The following PRELID2 variants were observed in gnomAD, a reference collection of about 807,000 sequenced individuals.
The protein encoded by PRELID2 is PRELI domain-containing protein 2.
PRELID2 carries 25 observed loss-of-function variants against 28.4 expected under a neutral mutation model. That is an observed-to-expected ratio of 0.88 (90% CI 0.64 to 1.23). The LOEUF is 1.23. Among genes scored for constraint, PRELID2 ranks in the 50% most tolerant of loss-of-function variants. PRELID2 has a pLI of 0.00. For synonymous variants in PRELID2, 76 were observed against 71.6 expected, an observed-to-expected ratio of 1.06 and a Z score of -0.31; for missense variants, 201 against 214.4, an observed-to-expected ratio of 0.94 and a Z score of 0.39.
At chr5:145,562,207 T>C (rs1453050702) in intron 1 of PRELID2, among the ~76,000 whole-genome samples, 1 of 152,240 alleles carries the variant, frequency 6.6e-6, no homozygotes, top group Non-Finnish European at 1.5e-5. Flanking sequence ...ATACTTCACG[T>C]AAAAGCAAGA....
intron 1 of PRELID2, among the ~76,000 whole-genome samples, chr5:145,557,060 C>T (rs768964913): frequency 6.6e-6 from 1 of 152,174 alleles, no homozygotes; most frequent in Non-Finnish European, 1.5e-5. Flanking sequence ...CTAATAATTA[C>T]CCATTAGGCT....
intron 1 of PRELID2, among the ~76,000 whole-genome samples, chr5:145,502,137 G>A (rs1752364736): frequency 6.6e-6 from 1 of 152,068 alleles, no homozygotes; most frequent in Non-Finnish European, 1.5e-5. Context: ...TCTACAGGAA[G>A]CATAATGGCA....
chr5:145,668,513 A>G (rs1754642166), intron 1 of PRELID2, among the ~76,000 whole-genome samples: 1 of 152,080 alleles, frequency 6.6e-6, no homozygotes, highest in Admixed American at 6.6e-5. Context: ...CTGTAGACAC[A>G]TAGCCATATG....
chr5:145,690,297 G>A (rs955782860), intron 1 of PRELID2, among the ~76,000 whole-genome samples: 11 of 152,076 alleles, frequency 7.2e-5, no homozygotes, highest in African/African-American at 2.7e-4. Flanking sequence ...CTGGCGAGGG[G>A]ATCCTCTTCC....
At chr5:145,505,127 A>G (rs1370977986) in intron 1 of PRELID2, among the ~76,000 whole-genome samples, 1 of 150,646 alleles carries the variant, frequency 6.6e-6, no homozygotes, top group East Asian at 1.9e-4. Flanking sequence ...CACTAGCTCT[A>G]TACATACTGT....
chr5:145,262,431 T>G, the PRELID2 span, among the ~76,000 whole-genome samples: 2 of 152,112 alleles, frequency 1.3e-5, no homozygotes, highest in Non-Finnish European at 2.9e-5. Flanking sequence ...TTAAGAGCTG[T>G]GAAGCAAAAG....
the PRELID2 span, among the ~76,000 whole-genome samples, chr5:145,426,588 A>G: frequency 6.6e-6 from 1 of 152,194 alleles, no homozygotes; most frequent in Non-Finnish European, 1.5e-5. Context: ...TACATTGCCT[A>G]TATGTCAGGC....
At chr5:145,470,962 A>C (rs1752048353), downstream of PRELID2, among the ~76,000 whole-genome samples, 1 of 151,982 alleles carries the variant, frequency 6.6e-6, no homozygotes, top group Non-Finnish European at 1.5e-5. Context: ...CTTGACAGTC[A>C]CCCTCACCTA....
At chr5:145,807,282 T>C (rs1301606268) in intron 4 of PRELID2, among the ~76,000 whole-genome samples, 1 of 152,214 alleles carries the variant, frequency 6.6e-6, no homozygotes, top group African/African-American at 2.4e-5. Flanking sequence ...ACTTATGTCA[T>C]CGAATGCTCT....
intron 1 of PRELID2, among the ~76,000 whole-genome samples, chr5:145,573,837 G>A (rs1753036613): frequency 6.6e-6 from 1 of 152,084 alleles, no homozygotes; most frequent in African/African-American, 2.4e-5. Flanking sequence ...TTTTAGAAGG[G>A]GAGTGGAGGA....
At chr5:145,473,226 C>T (rs1329176771) in exon 2 of PRELID2, 1 of 152,148 alleles carries the variant, frequency 6.6e-6, no homozygotes, top group African/African-American at 2.4e-5. Flanking sequence ...GGTTTTGGAT[C>T]CACGCCAGAT....
chr5:145,588,990 A>T (rs1195532424), intron 1 of PRELID2, among the ~76,000 whole-genome samples: 1 of 152,094 alleles, frequency 6.6e-6, no homozygotes, highest in Non-Finnish European at 1.5e-5. Flanking sequence ...CTATAATCTT[A>T]CCTCTAGTTT....
At chr5:145,239,266 A>T in the PRELID2 span, among the ~76,000 whole-genome samples, 1 of 152,094 alleles carries the variant, frequency 6.6e-6, no homozygotes. Context: ...GAGCAATTAA[A>T]TGTTAAAAAG....
chr5:145,434,863 A>C, the PRELID2 span, among the ~76,000 whole-genome samples: 2 of 152,140 alleles, frequency 1.3e-5, no homozygotes, highest in Admixed American at 1.3e-4. Flanking sequence ...ACCAGCAAAC[A>C]CTATTCTGAG....
intron 1 of PRELID2, among the ~76,000 whole-genome samples, chr5:145,681,500 G>A (rs1031395937): frequency 6.6e-6 from 1 of 152,148 alleles, no homozygotes; most frequent in African/African-American, 2.4e-5. Context: ...CTTACTACCT[G>A]TGTGATCTTG....
chr5:145,549,122 C>T (rs1752811408), intron 1 of PRELID2, among the ~76,000 whole-genome samples: 1 of 152,182 alleles, frequency 6.6e-6, no homozygotes, highest in Non-Finnish European at 1.5e-5. Context: ...TTGTGCACCC[C>T]TCTAGTGTGC....
At chr5:145,328,164 T>A in the PRELID2 span, among the ~76,000 whole-genome samples, 1 of 152,232 alleles carries the variant, frequency 6.6e-6, no homozygotes, top group Non-Finnish European at 1.5e-5. Context: ...TGTGCCATAT[T>A]TTCTTTATCC....
At chr5:145,637,136 C>T (rs1241500832) in intron 1 of PRELID2, among the ~76,000 whole-genome samples, 5 of 151,556 alleles carry the variant, frequency 3.3e-5, no homozygotes, top group South Asian at 4.2e-4. Context: ...CAGAAACTGA[C>T]CATGAAAAAA....
chr5:145,640,212 C>G (rs570124795), intron 1 of PRELID2, among the ~76,000 whole-genome samples: 1 of 151,850 alleles, frequency 6.6e-6, no homozygotes, highest in Admixed American at 6.6e-5. Context: ...GGCGGCCGGG[C>G]GCGGTGGCTC....
Sources: gnomAD v4.1 joint callset for allele counts (sites outside exome capture counted in the v4.1 genomes callset) on GRCh38, gnomAD v4.1.1 for gene constraint, MANE v1.5 for transcripts, NCBI Gene and HGNC (gene_info 2026-07-23, HGNC 2026-07-21) for gene names.